The following ENPP1 variants were observed in gnomAD, a reference collection of about 807,000 sequenced individuals.
ENPP1 encodes ectonucleotide pyrophosphatase/phosphodiesterase 1, also known as ectonucleotide pyrophosphatase/phosphodiesterase family member 1.
Under a neutral mutation model 122.8 loss-of-function variants are expected in ENPP1, and 73 were observed. The ratio of observed to expected loss-of-function variants is 0.59; its 90% CI spans 0.49 to 0.72. ENPP1 has a LOEUF of 0.72. Among genes scored for constraint, ENPP1 ranks in the 30% least tolerant of loss-of-function variants. The pLI is 0.00. For missense variants in ENPP1, 978 were observed against 1,128.1 expected (o/e 0.87, Z 1.91); for synonymous variants, 367 against 391.6 (o/e 0.94, Z 0.74).
intron 4 of ENPP1, 125 bp downstream of exon 4, chr6:131,851,392 T>A: frequency 5.6e-6 from 7 of 1,255,904 alleles, no homozygotes; most frequent in Non-Finnish European, 6.7e-6. Flanking sequence ...CTGAAAAAAA[T>A]AATTTTAAAA....
intron 1 of ENPP1, among the ~76,000 whole-genome samples, chr6:131,834,164 C>T (rs183992098): frequency 1.3e-5 from 2 of 152,316 alleles, no homozygotes; most frequent in East Asian, 1.9e-4. Context: ...CCTGTGAAAG[C>T]ACTTGGTGAG....
intron 21 of ENPP1, among the ~76,000 whole-genome samples, chr6:131,882,772 T>C (rs1015307584): frequency 6.6e-6 from 1 of 151,332 alleles, no homozygotes; most frequent in African/African-American, 2.4e-5. Context: ...TATAAAATTT[T>C]CTTTTTGTTG....
rs1224968764 is a variant in ENPP1 at position 131,882,456 on chromosome 6, G to C, written c.2212G>C (p.Gly738Arg). 6.2e-7 allele frequency: 1 copy of C among 1,607,832 alleles called. No homozygotes were observed. Among genetic ancestry groups the C allele is most frequent in the Non-Finnish European group, 8.5e-7 (1 of 1,176,386 alleles). ...TAAAAATAACACCAAAGTGAGTTACGGGTTCCTCTCCCCACCACGTAAGTT... is the reference window on the plus strand; with the variant it reads ...TAAAAATAACACCAAAGTGAGTTACCGGTTCCTCTCCCCACCACGTAAGTT... ...FYKNNTKVSY[G>R]FLSPPQLNKN... Residue 738 changes from glycine to arginine, a missense_variant, in exon 21 of 25, where the codon GGG becomes CGG. Gly to Arg is a moderately radical substitution (Grantham distance 125, BLOSUM62 -2). Coordinates refer to ENST00000647893, the MANE Select transcript of ENPP1 (RefSeq NM_006208.3).
Position 131,890,311 on chromosome 6 carries a change from ACTTTT to A in ENPP1, c.2608-24_2608-20del, listed in dbSNP as rs745831040. ...AAGTGAACTGAGTGTTCTCTTGGTA[ACTTTT>A]CTTTTATATTTCCTATTCTCCTAGC... On this transcript the variant is annotated intron_variant, in intron 24 of 24. Coordinates refer to ENST00000647893, the MANE Select transcript of ENPP1 (RefSeq NM_006208.3). 14 of 1,592,888 alleles carry A rather than the reference ACTTTT, an allele frequency of 8.8e-6. No homozygotes were observed. The South Asian group carries it at 1.4e-4, about 16-fold the overall frequency.
chr6:131,868,203 C>A, intron 12 of ENPP1, 77 bp downstream of exon 12: 1 of 1,083,370 alleles, frequency 9.2e-7, no homozygotes, highest in Non-Finnish European at 1.4e-6. Flanking sequence ...CCAATTTTTT[C>A]TGAATGTTGT....
At chr6:131,816,015 C>A (rs533081530) in intron 1 of ENPP1, among the ~76,000 whole-genome samples, 1 of 149,082 alleles carries the variant, frequency 6.7e-6, no homozygotes, top group African/African-American at 2.5e-5. Flanking sequence ...GCCACCACGC[C>A]CGGCTGTATC....
At chr6:131,865,799 G>T (rs1335451962) in intron 11 of ENPP1, among the ~76,000 whole-genome samples, 3 of 152,110 alleles carry the variant, frequency 2.0e-5, no homozygotes, top group African/African-American at 7.2e-5. Context: ...TTTGAGGCCA[G>T]CCTGGCCAAC....
Position 131,886,677 on chromosome 6 carries a change from T to G in ENPP1, c.2560T>G (p.Leu854Val). ...TTTGCACTGTGAAAACCTAGACACC[T>G]TAGCTTTCATTTTGCCTCACAGGAC... ...TPLHCENLDT[L>V]AFILPHRTDN... The change falls in exon 24 of 25, where the codon TTA becomes GTA. Residue 854 changes from leucine to valine, a missense_variant. By Grantham distance (32) the Leu-to-Val change is conservative. Around this residue, in one of 3 missense-constraint regions of ENPP1, gnomAD observed 644 missense variants for 781.5 expected, o/e 0.82. Transcript: ENST00000647893. 1 of 1,614,064 alleles carries G rather than the reference T, an allele frequency of 6.2e-7. No homozygotes were observed. Among genetic ancestry groups the G allele is most frequent in the Admixed American group, 1.7e-5 (1 of 60,024 alleles).
At chr6:131,880,830 C>T (rs1782295746) in intron 20 of ENPP1, among the ~76,000 whole-genome samples, 1 of 152,068 alleles carries the variant, frequency 6.6e-6, no homozygotes, top group Admixed American at 6.5e-5. Context: ...GAGCCCAAAC[C>T]AGGGAGAGGC....
chr6:131,831,691 T>C (rs1781616541), intron 1 of ENPP1, among the ~76,000 whole-genome samples: 1 of 152,232 alleles, frequency 6.6e-6, no homozygotes, highest in Non-Finnish European at 1.5e-5. Flanking sequence ...TGACAGATGG[T>C]AAAGTGCCAT....
At chr6:131,845,483 A>ATTTTTTTTTTTTT in intron 1 of ENPP1, among the ~76,000 whole-genome samples, 1 of 103,434 alleles carries the variant, frequency 9.7e-6, no homozygotes, top group Non-Finnish European at 2.0e-5. Flanking sequence ...TTTTTTGAGC[A>ATTTTTTTTTTTTT]TCTTGCTCTG....
At chr6:131,865,719 C>G (rs1729922682) in intron 11 of ENPP1, among the ~76,000 whole-genome samples, 1 of 152,196 alleles carries the variant, frequency 6.6e-6, no homozygotes, top group South Asian at 2.1e-4. Flanking sequence ...GAAGGCTCGG[C>G]ACCATGGCTA....
At chr6:131,839,083 A>G (rs906353418) in intron 1 of ENPP1, among the ~76,000 whole-genome samples, 2 of 152,160 alleles carry the variant, frequency 1.3e-5, no homozygotes, top group Admixed American at 6.5e-5. Flanking sequence ...AGCCTAGTTT[A>G]TGAAGTTAGC....
At chr6:131,855,887 C>T (rs540970135) in intron 6 of ENPP1, among the ~76,000 whole-genome samples, 15 of 151,818 alleles carry the variant, frequency 9.9e-5, no homozygotes, top group African/African-American at 3.6e-4. Flanking sequence ...AACCTTTAAG[C>T]AGCTACAATG....
At chr6:131,850,460 A>C (rs1276724154) in intron 3 of ENPP1, among the ~76,000 whole-genome samples, 1 of 152,152 alleles carries the variant, frequency 6.6e-6, no homozygotes, top group East Asian at 1.9e-4. Context: ...GTCCACCTAT[A>C]TTTTTCAAAA....
intron 23 of ENPP1, among the ~76,000 whole-genome samples, chr6:131,885,997 C>A (rs1458307726): frequency 6.6e-6 from 1 of 152,132 alleles, no homozygotes. Context: ...GTTGAAAAAA[C>A]AAACACAGCC....
chr6:131,869,250 A>G, intron 12 of ENPP1, 108 bp from the exon 13 acceptor site: 1 of 992,170 alleles, frequency 1.0e-6, no homozygotes, highest in Non-Finnish European at 1.6e-6. Context: ...TATGAGTGCT[A>G]CACCCATGTT....
chr6:131,848,762 T>G (rs1227260797), intron 2 of ENPP1, among the ~76,000 whole-genome samples: 1 of 152,168 alleles, frequency 6.6e-6, no homozygotes, highest in Non-Finnish European at 1.5e-5. Flanking sequence ...TGCATCATAT[T>G]TTTAAAAATT....
chr6:131,890,006 A>C (rs1456675563), intron 24 of ENPP1, among the ~76,000 whole-genome samples: 1 of 151,108 alleles, frequency 6.6e-6, no homozygotes, highest in African/African-American at 2.4e-5. Flanking sequence ...TCTTTACATT[A>C]TTCAGATATT....
Sources: gnomAD v4.1 joint callset for allele counts (sites outside exome capture counted in the v4.1 genomes callset) on GRCh38, gnomAD v4.1.1 for gene constraint, gnomAD v4.1.1 regional missense constraint, MANE v1.5 for transcripts, NCBI Gene and HGNC (gene_info 2026-07-23, HGNC 2026-07-21) for gene names.